The following ARPP21 variants were observed in gnomAD, a reference collection of about 807,000 sequenced individuals.
ARPP21 encodes the protein cAMP-regulated phosphoprotein 21.
ARPP21 carries 69 observed loss-of-function variants against 113.2 expected under a neutral mutation model. That is an observed-to-expected ratio of 0.61 (90% CI 0.50 to 0.74). The LOEUF is 0.74. Among genes scored for constraint, ARPP21 ranks in the 30% least tolerant of loss-of-function variants. The pLI is 0.00. For synonymous variants in ARPP21, 368 were observed against 375.5 expected, an observed-to-expected ratio of 0.98 and a Z score of 0.23; for missense variants, 1,070 against 1,037.4, an observed-to-expected ratio of 1.03 and a Z score of -0.43.
chr3:35,729,603 T>C, intron 15 of ARPP21, 67 bp downstream of exon 15: 1 of 1,370,784 alleles, frequency 7.3e-7, no homozygotes, highest in Non-Finnish European at 1.0e-6. Context: ...TTTGATCTTA[T>C]GAATTTGCTA....
At chr3:35,708,882 TTTA>T (rs1576128392) in intron 10 of ARPP21, 84 bp from the exon 11 acceptor site, 1 of 849,972 alleles carries the variant, frequency 1.2e-6, no homozygotes, top group East Asian at 2.6e-5. Context: ...TAAGTGAACA[TTTA>T]TTATTCTTAG....
chr3:35,757,949 T>C (rs533583983), intron 19 of ARPP21, among the ~76,000 whole-genome samples: 60 of 152,260 alleles, frequency 3.9e-4, no homozygotes, highest in African/African-American at 1.3e-3. Flanking sequence ...ACAAAACAAC[T>C]GGTAGAACTA....
intron 9 of ARPP21, among the ~76,000 whole-genome samples, chr3:35,699,593 A>G (rs1354268674): frequency 1.3e-5 from 2 of 151,718 alleles, no homozygotes; most frequent in East Asian, 3.9e-4. Flanking sequence ...GTGTTCTCAG[A>G]GGAGCATAGC....
At chr3:35,676,153 T>G (rs570972067) in intron 1 of ARPP21, among the ~76,000 whole-genome samples, 31 of 152,118 alleles carry the variant, frequency 2.0e-4, no homozygotes, top group Non-Finnish European at 3.5e-4. Context: ...GTTATACAAG[T>G]GAAGAAATAA....
At chr3:35,643,816 T>A (rs2148865874) in intron 1 of ARPP21, 1 of 152,164 alleles carries the variant, frequency 6.6e-6, no homozygotes, top group Non-Finnish European at 1.5e-5. Context: ...AGCCATTTCT[T>A]CTTATGGTAA....
rs1414152725 is a variant in ARPP21 at position 35,738,294 on chromosome 3, G to A, written c.1725G>A (p.Val575=). The change falls in exon 17 of 21, where the codon GTG becomes GTA. Residue 575 remains valine (V), a synonymous_variant. Coordinates refer to ENST00000684406, the MANE Select transcript of ARPP21 (RefSeq NM_001385562.1). ...TTCCTCCCCAGCACCTCCTACCTGT[G>A]TCTCCAACGCAGCACTTTCCCATGG... is the stretch of plus-strand genomic sequence containing the variant. ...VSFPPQHLLP[V]SPTQHFPMRD... is the part of the protein sequence containing the mutation. The A allele has an allele frequency of 6.5e-7, 1 of 1,534,758 alleles. No homozygotes were observed. Among genetic ancestry groups the A allele is most frequent in the East Asian group, 2.4e-5 (1 of 40,886 alleles).
In ARPP21 at chr3:35,792,460, T is replaced by C. The variant is rs201683515; in HGVS notation, c.2216T>C (p.Val739Ala). The change falls in exon 20 of 21, where the codon GTG becomes GCG. Residue 739 changes from valine (V) to alanine (A), a missense_variant. Physicochemically the swap from Val to Ala is moderately conservative, Grantham distance 64. Transcript: ENST00000684406. ...CAGCAGCCACCTCAGAGTCAGAACGTGATAAATAACCAACAAGGAACTCCG... is the reference window on the plus strand; with the variant it reads ...CAGCAGCCACCTCAGAGTCAGAACGCGATAAATAACCAACAAGGAACTCCG... The part of the protein sequence containing the change: ...GVQQPPQSQN[V>A]INNQQGTPVQ... The C allele has an allele frequency of 7.4e-6, 12 of 1,614,022 alleles. No individual in the cohort carries two copies. Among genetic ancestry groups the C allele is most frequent in the Non-Finnish European group, 9.3e-6 (11 of 1,179,898 alleles).
intron 5 of ARPP21, 115 bp from the exon 6 acceptor site, chr3:35,687,624 A>T: frequency 1.1e-6 from 1 of 945,346 alleles, no homozygotes; most frequent in Non-Finnish European, 1.6e-6. Flanking sequence ...CATTTAGAAA[A>T]AAAAAATCTG....
At chr3:35,651,766 T>G (rs1702489634) in intron 1 of ARPP21, 1 of 152,080 alleles carries the variant, frequency 6.6e-6, no homozygotes. Flanking sequence ...TCTTATGTCC[T>G]TATCACTATT....
chr3:35,746,909 AG>A (rs2150960297), intron 19 of ARPP21, among the ~76,000 whole-genome samples: 1 of 152,336 alleles, frequency 6.6e-6, no homozygotes, highest in African/African-American at 2.4e-5. Flanking sequence ...TTGATTAAAT[AG>A]GACACCTGAG....
chr3:35,739,769 G>A (rs1196150461), intron 18 of ARPP21, among the ~76,000 whole-genome samples, 192 bp downstream of exon 18: 3 of 152,186 alleles, frequency 2.0e-5, no homozygotes, highest in African/African-American at 7.2e-5. Context: ...CAGAAAGTGA[G>A]TTGAATGAAA....
rs1706753594 is a variant in ARPP21 at position 35,659,666 on chromosome 3, G to A, written c.-213+19268G>A. ...AGAGGAGGAACAGATCATGAAAAGT[G>A]GGCGGTAGAGAGCTAGGAGATTTGT... On this transcript the variant is annotated intron_variant, in intron 1 of 20. Coordinates refer to ENST00000684406, the MANE Select transcript of ARPP21 (RefSeq NM_001385562.1). Among the ~76,000 whole-genome samples the A allele has an allele frequency of 2.0e-5, 3 of 152,248 alleles. No homozygotes were observed. In the South Asian group the frequency reaches 6.2e-4, roughly 32 times the overall value.
At chr3:35,708,891 C>T (rs562761648) in intron 10 of ARPP21, 78 bp from the exon 11 acceptor site, 78 of 914,018 alleles carry the variant, frequency 8.5e-5, no homozygotes, top group Non-Finnish European at 1.3e-4. Flanking sequence ...ATTTATTATT[C>T]TTAGCTGACA....
chr3:35,765,173 T>C (rs1243613382), intron 19 of ARPP21, among the ~76,000 whole-genome samples: 1 of 152,174 alleles, frequency 6.6e-6, no homozygotes, highest in East Asian at 1.9e-4. Flanking sequence ...TATACACTGA[T>C]AATATTATTA....
chr3:35,780,016 T>C (rs1040500899), intron 19 of ARPP21, among the ~76,000 whole-genome samples: 1 of 152,212 alleles, frequency 6.6e-6, no homozygotes, highest in Non-Finnish European at 1.5e-5. Flanking sequence ...TTACTGTCTG[T>C]CCAGATTTTT....
chr3:35,706,375 T>C (rs1243345948), intron 9 of ARPP21, among the ~76,000 whole-genome samples: 1 of 152,232 alleles, frequency 6.6e-6, no homozygotes, highest in Non-Finnish European at 1.5e-5. Flanking sequence ...TTAAGTTGTT[T>C]AAACTAAATA....
intron 1 of ARPP21, among the ~76,000 whole-genome samples, chr3:35,673,275 C>A (rs1016460500): frequency 1.3e-5 from 2 of 152,038 alleles, no homozygotes; most frequent in African/African-American, 2.4e-5. Flanking sequence ...GTGGAGTACA[C>A]CTCCTGTGAC....
chr3:35,694,228 T>G (rs1454308611), intron 9 of ARPP21, among the ~76,000 whole-genome samples: 2 of 151,568 alleles, frequency 1.3e-5, no homozygotes, highest in African/African-American at 4.8e-5. Context: ...ATCATAACAA[T>G]ACATTCTGTG....
At chr3:35,681,902 C>T (rs762356978) in intron 3 of ARPP21, 22 bp downstream of exon 3, 3 of 1,610,516 alleles carry the variant, frequency 1.9e-6, no homozygotes, top group Non-Finnish European at 2.5e-6. Flanking sequence ...TGAAGAGACC[C>T]TGACTCTCAT....
Sources: allele counts gnomAD v4.1 joint callset (sites outside exome capture counted in the v4.1 genomes callset), GRCh38; gene constraint gnomAD v4.1.1; transcripts MANE v1.5; gene names NCBI Gene and HGNC (gene_info 2026-07-23, HGNC 2026-07-21).